Variants in MEIS2 observed in about 807,000 individuals in gnomAD.
MEIS2 encodes homeobox protein Meis2.
In MEIS2, 9 loss-of-function variants were observed where a neutral mutation model predicts 58.6. That is an observed-to-expected ratio of 0.15 (90% CI 0.09 to 0.27). MEIS2 has a LOEUF of 0.27. Among genes scored for constraint, MEIS2 ranks in the 10% least tolerant of loss-of-function variants. MEIS2 has a pLI of 1.00. For synonymous variants in MEIS2, 221 were observed against 228.4 expected, an observed-to-expected ratio of 0.97 and a Z score of 0.29; for missense variants, 427 against 635.0, an observed-to-expected ratio of 0.67 and a Z score of 3.52.
At chr15:36,957,466 C>T (rs574645822) in intron 8 of MEIS2, among the ~76,000 whole-genome samples, 9 of 152,246 alleles carry the variant, frequency 5.9e-5, no homozygotes, top group African/African-American at 2.2e-4. Flanking sequence ...TCAAAACATT[C>T]CCCTCCATTT....
intron 9 of MEIS2, among the ~76,000 whole-genome samples, chr15:36,916,095 G>C (rs1418178195): frequency 6.6e-6 from 1 of 151,986 alleles, no homozygotes; most frequent in Non-Finnish European, 1.5e-5. Context: ...CATTAAAGAA[G>C]TTTCCTTTTC....
chr15:37,028,777 G>T (rs890527489), intron 8 of MEIS2, among the ~76,000 whole-genome samples: 2 of 152,086 alleles, frequency 1.3e-5, no homozygotes, highest in African/African-American at 2.4e-5. Context: ...GTTGCAGGTT[G>T]CCACTGCTGA....
chr15:37,099,540 G>A lies in MEIS2; in HGVS notation c.-74C>T, dbSNP rs1369878665. On this transcript the variant is annotated 5_prime_UTR_variant, in exon 1 of 12. Transcript: ENST00000561208. ...CAGTCCGGATAAGAAAGTGATCTAG[G>A]CTGAAGATTCCTTTTTTTTTTTTCC... 2 of 1,578,164 alleles carry A rather than the reference G, an allele frequency of 1.3e-6. No homozygotes were observed. Among genetic ancestry groups the A allele is most frequent in the Non-Finnish European group, 1.7e-6 (2 of 1,164,106 alleles).
intron 7 of MEIS2, among the ~76,000 whole-genome samples, chr15:37,055,278 G>A (rs905771710): frequency 3.3e-5 from 5 of 152,218 alleles, no homozygotes; most frequent in South Asian, 2.1e-4. Flanking sequence ...GACTATGAAC[G>A]TAAGCATCCT....
intron 7 of MEIS2, among the ~76,000 whole-genome samples, chr15:37,043,292 C>A (rs1260800009): frequency 6.6e-6 from 1 of 152,088 alleles, no homozygotes; most frequent in Non-Finnish European, 1.5e-5. Flanking sequence ...TTTTTTCTGT[C>A]TCTTTTTGTA....
chr15:36,965,959 A>G (rs2059341059), intron 8 of MEIS2, among the ~76,000 whole-genome samples: 1 of 152,236 alleles, frequency 6.6e-6, no homozygotes, highest in African/African-American at 2.4e-5. Flanking sequence ...ATTAAGAGAC[A>G]AAGTGAGCTT....
At position 37,099,500 on chromosome 15, in the gene MEIS2, G is replaced by A. The variant is rs753228724; in HGVS notation, c.-34C>T. On this transcript the variant is annotated 5_prime_UTR_variant, in exon 1 of 12. It adds an upstream start codon to the 5' untranslated region. Transcript: ENST00000561208. ...GCTCCAATAAACTCCTGGATGTGTC[G>A]TATATTTAATATCCCAGTCCGGATA... 29 of 1,612,992 alleles carry A rather than the reference G, an allele frequency of 1.8e-5. No homozygotes were observed. The highest frequency in any genetic ancestry group is 2.5e-5 in the Non-Finnish European group (29 of 1,179,810).
chr15:37,007,672 C>T (rs2060972269), intron 8 of MEIS2, among the ~76,000 whole-genome samples: 1 of 152,216 alleles, frequency 6.6e-6, no homozygotes, highest in Non-Finnish European at 1.5e-5. Flanking sequence ...CACAGCTTCC[C>T]ATCACCTTTT....
At chr15:37,089,295 C>T (rs1893253762) in intron 6 of MEIS2, among the ~76,000 whole-genome samples, 1 of 152,146 alleles carries the variant, frequency 6.6e-6, no homozygotes, top group South Asian at 2.1e-4. Context: ...CCTTGATATT[C>T]TATAGAACAA....
intron 4 of MEIS2, 72 bp from the exon 5 acceptor site, chr15:37,094,649 G>T: frequency 1.5e-6 from 2 of 1,331,274 alleles, no homozygotes; most frequent in South Asian, 1.3e-5. Context: ...TTGGGAGTGG[G>T]GTGAGGATGG....
intron 8 of MEIS2, among the ~76,000 whole-genome samples, chr15:36,986,379 C>A (rs1257150538): frequency 1.3e-5 from 2 of 152,140 alleles, no homozygotes; most frequent in African/African-American, 2.4e-5. Flanking sequence ...TTAGACACTG[C>A]AATTAGGGAG....
intron 8 of MEIS2, among the ~76,000 whole-genome samples, chr15:36,952,378 C>T (rs964959968): frequency 1.3e-5 from 2 of 152,030 alleles, no homozygotes; most frequent in African/African-American, 4.8e-5. Context: ...GTTATTTACC[C>T]AACAGAAATA....
At chr15:36,989,908 C>A (rs1375425710) in intron 8 of MEIS2, among the ~76,000 whole-genome samples, 3 of 152,066 alleles carry the variant, frequency 2.0e-5, no homozygotes, top group Non-Finnish European at 4.4e-5. Context: ...GAAGTGGGGG[C>A]ATTGTATCTT....
intron 9 of MEIS2, among the ~76,000 whole-genome samples, chr15:36,914,082 CA>C (rs2057162625): frequency 1.3e-5 from 2 of 152,302 alleles, no homozygotes; most frequent in South Asian, 4.1e-4. Context: ...GGCAACCTTG[CA>C]GCTGTGGCCC....
At chr15:37,083,983 A>G in intron 6 of MEIS2, 98 bp from the exon 7 acceptor site, 1 of 954,656 alleles carries the variant, frequency 1.0e-6, no homozygotes, top group Non-Finnish European at 1.6e-6. Flanking sequence ...AAAAATGTAT[A>G]CATATTAGTA....
At chr15:37,041,461 C>G (rs944352502) in intron 7 of MEIS2, among the ~76,000 whole-genome samples, 3 of 152,170 alleles carry the variant, frequency 2.0e-5, no homozygotes, top group African/African-American at 2.4e-5. Flanking sequence ...GGATTTACAC[C>G]TATGCTCTCA....
intron 8 of MEIS2, among the ~76,000 whole-genome samples, chr15:36,987,295 C>A (rs915252430): frequency 1.3e-5 from 2 of 151,544 alleles, no homozygotes; most frequent in Non-Finnish European, 2.9e-5. Flanking sequence ...GTAGTCGCAG[C>A]TACTTGGGAG....
At chr15:36,960,848 A>G (rs963737065) in intron 8 of MEIS2, among the ~76,000 whole-genome samples, 1 of 152,180 alleles carries the variant, frequency 6.6e-6, no homozygotes, top group Non-Finnish European at 1.5e-5. Flanking sequence ...GTAAAACAAG[A>G]TATCACCCAA....
rs2055789008 is a variant in MEIS2, at chr15:36,889,799, A to T, written c.*2374T>A. The T allele has an allele frequency of 6.6e-6, 1 of 152,210 alleles. No homozygotes were observed. Among genetic ancestry groups the T allele is most frequent in the Admixed American group, 6.5e-5 (1 of 15,288 alleles). 9.4% of individuals were successfully genotyped at this position (152,210 alleles called of 1,614,324 possible). On this transcript the variant is annotated 3_prime_UTR_variant, in exon 12 of 12. Transcript: ENST00000561208. ...AAAAGTATTTAAAGTAAAAATAGGCAAATATTTAAAATTTACAAAAAGACT... is the reference window on the plus strand; with the variant it reads ...AAAAGTATTTAAAGTAAAAATAGGCTAATATTTAAAATTTACAAAAAGACT...
Sources: gnomAD v4.1 joint callset for allele counts (sites outside exome capture counted in the v4.1 genomes callset) on GRCh38, gnomAD v4.1.1 for gene constraint, MANE v1.5 for transcripts, NCBI Gene and HGNC (gene_info 2026-07-23, HGNC 2026-07-21) for gene names.